The following CLSTN2 variants were observed in gnomAD, a reference collection of about 807,000 sequenced individuals.
CLSTN2 encodes the protein calsyntenin 2, also known as calsyntenin-2.
A neutral mutation model predicts 101.2 loss-of-function variants in CLSTN2; 48 were observed. The observed-to-expected ratio is 0.47, with a 90% confidence interval of 0.38 to 0.60. CLSTN2 has a LOEUF of 0.60. Ranked by LOEUF, CLSTN2 falls within the 20% of genes least tolerant of loss-of-function variation. CLSTN2 has a pLI of 0.00. For synonymous variants in CLSTN2, 481 were observed against 463.6 expected (o/e 1.04, Z -0.48); for missense variants, 1,160 against 1,238.2 (o/e 0.94, Z 0.95).
intron 2 of CLSTN2, among the ~76,000 whole-genome samples, chr3:140,373,520 G>T (rs2087882389): frequency 6.6e-6 from 1 of 152,214 alleles, no homozygotes; most frequent in Non-Finnish European, 1.5e-5. Flanking sequence ...GAAAATCAGA[G>T]ACCAAAAGCC....
intron 1 of CLSTN2, among the ~76,000 whole-genome samples, chr3:140,038,393 G>T (rs964117681): frequency 1.3e-5 from 2 of 151,872 alleles, no homozygotes; most frequent in Non-Finnish European, 1.5e-5. Context: ...TAATGGGGTG[G>T]TTTTTTTCTT....
Position 140,156,995 on chromosome 3 carries a change from G to C in CLSTN2, c.110-18956G>C, listed in dbSNP as rs147914951. Among the ~76,000 whole-genome samples the C allele has an allele frequency of 2.0e-5, 3 of 152,226 alleles. No homozygotes were observed. The East Asian group carries it at 5.8e-4, about 29-fold the overall frequency. ...GGCTCTTTTGAATCTGATTAATCCTGTCAGATATGAGCCAGGACACAGGGG... is the reference window on the plus strand; with the variant it reads ...GGCTCTTTTGAATCTGATTAATCCTCTCAGATATGAGCCAGGACACAGGGG... On this transcript the variant is annotated intron_variant, in intron 1 of 16. Transcript: ENST00000458420.
At chr3:140,455,035 A>G (rs907395550) in intron 6 of CLSTN2, among the ~76,000 whole-genome samples, 6 of 152,228 alleles carry the variant, frequency 3.9e-5, no homozygotes, top group Non-Finnish European at 7.3e-5. Flanking sequence ...TTCAGAAAAT[A>G]AAAGACTTTC....
In CLSTN2 at chr3:140,150,447, T is replaced by C. The variant is rs1293883834; in HGVS notation, c.110-25504T>C. Among the ~76,000 whole-genome samples the C allele has an allele frequency of 2.0e-5, 3 of 152,196 alleles. No individual in the cohort carries two copies. In the East Asian group the frequency reaches 5.8e-4, roughly 29 times the overall value. On this transcript the variant is annotated intron_variant, in intron 1 of 16. Transcript: ENST00000458420. Reference sequence around the variant, plus strand: ...AGCAATGTGCCACCCAGCTCTCCCTTCACTAAAGTATTAGTTGTCCCAGAT... The same window carrying C: ...AGCAATGTGCCACCCAGCTCTCCCTCCACTAAAGTATTAGTTGTCCCAGAT...
At chr3:140,071,380 A>G (rs574422274) in intron 1 of CLSTN2, among the ~76,000 whole-genome samples, 1 of 152,332 alleles carries the variant, frequency 6.6e-6, no homozygotes, top group African/African-American at 2.4e-5. Context: ...CCTTTACTTT[A>G]GAGAAGCCAA....
intron 2 of CLSTN2, among the ~76,000 whole-genome samples, chr3:140,294,650 A>G (rs1414151787): frequency 1.3e-5 from 2 of 151,666 alleles, no homozygotes; most frequent in African/African-American, 4.9e-5. Flanking sequence ...GTGTGAGTGT[A>G]TCAAACCCCT....
intron 1 of CLSTN2, among the ~76,000 whole-genome samples, chr3:140,170,811 A>C (rs1182459906): frequency 1.3e-5 from 2 of 152,230 alleles, no homozygotes; most frequent in African/African-American, 4.8e-5. Flanking sequence ...ATGACAGAAC[A>C]ACACTGTAAG....
intron 1 of CLSTN2, among the ~76,000 whole-genome samples, chr3:140,042,013 T>C (rs1047595152): frequency 2.0e-5 from 3 of 152,216 alleles, no homozygotes; most frequent in Non-Finnish European, 4.4e-5. Context: ...TCAGCTTTCT[T>C]GACATAGAAT....
intron 2 of CLSTN2, among the ~76,000 whole-genome samples, chr3:140,273,791 A>G (rs1221437069): frequency 1.3e-5 from 2 of 152,178 alleles, no homozygotes; most frequent in Non-Finnish European, 2.9e-5. Flanking sequence ...AAAAAGTTGA[A>G]TCCTAATAAT....
At chr3:140,236,591 C>T (rs1194588902) in intron 2 of CLSTN2, among the ~76,000 whole-genome samples, 1 of 152,086 alleles carries the variant, frequency 6.6e-6, no homozygotes, top group Non-Finnish European at 1.5e-5. Context: ...TCTAAGGATT[C>T]AGTTATATGT....
chr3:140,336,158 A>G (rs1271260435), intron 2 of CLSTN2, among the ~76,000 whole-genome samples: 2 of 152,204 alleles, frequency 1.3e-5, no homozygotes, highest in East Asian at 1.9e-4. Context: ...TTATTGATGA[A>G]TGAGTTATTG....
rs115808897 is a variant in CLSTN2, at chr3:140,005,697, A to G, written c.109+70214A>G. Reference sequence around the variant, plus strand: ...AGATAGGACTGTATTTTAATTAAATACAGTGCTAAAGGGTGTGGGGCTAGA... The same window carrying G: ...AGATAGGACTGTATTTTAATTAAATGCAGTGCTAAAGGGTGTGGGGCTAGA... On this transcript the variant is annotated intron_variant, in intron 1 of 16. Coordinates refer to ENST00000458420, the MANE Select transcript of CLSTN2 (RefSeq NM_022131.3). 1.9e-3 allele frequency among the ~76,000 whole-genome samples: 288 copies of G among 152,362 alleles called. 1 individual carries two copies. The highest frequency in any genetic ancestry group is 6.6e-3 in the African/African-American group (273 of 41,592).
At chr3:140,177,624 T>C (rs1161521199) in intron 2 of CLSTN2, among the ~76,000 whole-genome samples, 1 of 151,964 alleles carries the variant, frequency 6.6e-6, no homozygotes, top group Non-Finnish European at 1.5e-5. Flanking sequence ...AACCCATCTC[T>C]ACAAAATAAT....
intron 1 of CLSTN2, among the ~76,000 whole-genome samples, chr3:140,106,033 C>T (rs2009052658): frequency 6.6e-6 from 1 of 152,142 alleles, no homozygotes. Flanking sequence ...TGGGTGGAGG[C>T]CTTTTCCTTT....
intron 1 of CLSTN2, among the ~76,000 whole-genome samples, chr3:140,041,857 A>G (rs1210897233): frequency 3.3e-5 from 5 of 152,190 alleles, no homozygotes; most frequent in Admixed American, 2.6e-4. Flanking sequence ...GATAGCTTAT[A>G]CAGACTGGGT....
chr3:140,129,763 C>T (rs1440277139), intron 1 of CLSTN2, among the ~76,000 whole-genome samples: 1 of 152,138 alleles, frequency 6.6e-6, no homozygotes, highest in Admixed American at 6.5e-5. Context: ...TCAGCTGGGC[C>T]TGGTGTGTTG....
chr3:140,081,921 A>G (rs1018814862), intron 1 of CLSTN2, among the ~76,000 whole-genome samples: 3 of 152,176 alleles, frequency 2.0e-5, no homozygotes, highest in Non-Finnish European at 4.4e-5. Context: ...ACTCAGCTGT[A>G]ACTACCTATT....
At chr3:140,399,492 T>C (rs1336011227) in intron 2 of CLSTN2, among the ~76,000 whole-genome samples, 2 of 152,248 alleles carry the variant, frequency 1.3e-5, no homozygotes, top group Non-Finnish European at 2.9e-5. Flanking sequence ...TAAAGATATA[T>C]TTAAAACTTT....
chr3:140,448,394 C>A, intron 5 of CLSTN2, 125 bp from the exon 6 acceptor site: 1 of 767,344 alleles, frequency 1.3e-6, no homozygotes, highest in Non-Finnish European at 2.1e-6. Context: ...TCAAACTGTT[C>A]CCTAATATCT....
Sources: allele counts gnomAD v4.1 joint callset (sites outside exome capture counted in the v4.1 genomes callset), GRCh38; gene constraint gnomAD v4.1.1; transcripts MANE v1.5; gene names NCBI Gene and HGNC (gene_info 2026-07-23, HGNC 2026-07-21).